MBNL1: variants seen among roughly 807,000 people sequenced by gnomAD.
MBNL1 encodes the protein muscleblind like splicing regulator 1.
In MBNL1, 8 loss-of-function variants were observed where a neutral mutation model predicts 42.2. That is an observed-to-expected ratio of 0.19 (90% CI 0.11 to 0.34). MBNL1 has a LOEUF of 0.34. Ranked by LOEUF, MBNL1 falls within the 10% of genes least tolerant of loss-of-function variation. MBNL1 has a pLI of 1.00. For synonymous variants in MBNL1, 169 were observed against 173.9 expected, an observed-to-expected ratio of 0.97 and a Z score of 0.22; for missense variants, 309 against 495.3, an observed-to-expected ratio of 0.62 and a Z score of 3.57.
intron 2 of MBNL1, among the ~76,000 whole-genome samples, chr3:152,342,586 A>G (rs1321308247): frequency 6.7e-6 from 1 of 149,874 alleles, no homozygotes; most frequent in African/African-American, 2.4e-5. Flanking sequence ...ACACACACAC[A>G]CTTTCCACAA....
In MBNL1 at chr3:152,442,583, G is replaced by A. The variant is rs139416217; in HGVS notation, c.550-2699G>A. Among the ~76,000 whole-genome samples, 686 of 152,226 alleles carry A rather than the reference G, an allele frequency of 4.5e-3. 2 individuals carry two copies. Among genetic ancestry groups the A allele is most frequent in the Admixed American group, 0.011 (172 of 15,290 alleles). On this transcript the variant is annotated intron_variant, in intron 4 of 9. Transcript: ENST00000324210. ...AGATTAAATTTGTGAAATGTTGTCA[G>A]TTATAATTTACTAATGTAATAGTAT...
chr3:152,421,407 C>A (rs1043348861), intron 3 of MBNL1, among the ~76,000 whole-genome samples: 1 of 152,194 alleles, frequency 6.6e-6, no homozygotes, highest in Non-Finnish European at 1.5e-5. Flanking sequence ...AAGCTAAGAT[C>A]CACTGGCTTC....
At chr3:152,356,000 T>C (rs889124834) in intron 2 of MBNL1, among the ~76,000 whole-genome samples, 1 of 152,194 alleles carries the variant, frequency 6.6e-6, no homozygotes, top group Non-Finnish European at 1.5e-5. Flanking sequence ...AAAAAGAGCC[T>C]GCTTTTTAAA....
At chr3:152,404,719 CAA>C (rs1387865289) in intron 2 of MBNL1, among the ~76,000 whole-genome samples, 1 of 150,126 alleles carries the variant, frequency 6.7e-6, no homozygotes, top group East Asian at 1.9e-4. Flanking sequence ...TATACACACA[CAA>C]AGATATATAA....
chr3:152,320,046 T>G (rs1480465323), intron 2 of MBNL1, among the ~76,000 whole-genome samples: 1 of 152,154 alleles, frequency 6.6e-6, no homozygotes, highest in Non-Finnish European at 1.5e-5. Context: ...CCCCCACTAG[T>G]TTATAAACTC....
Position 152,276,795 on chromosome 3 carries a change from C to G in MBNL1, c.-790+7703C>G, listed in dbSNP as rs373827061. Among the ~76,000 whole-genome samples, 91 of 152,106 alleles carry G rather than the reference C, an allele frequency of 6.0e-4. No homozygotes were observed. In the South Asian group the frequency reaches 0.019, roughly 31 times the overall value. ...GACACTTGGTGTTTAGGGTAGTAACCTTACAGGAGTTGTGTTTTGGTGACA... is the reference window on the plus strand; with the variant it reads ...GACACTTGGTGTTTAGGGTAGTAACGTTACAGGAGTTGTGTTTTGGTGACA... On this transcript the variant is annotated intron_variant, in intron 1 of 9. Transcript: ENST00000324210.
intron 2 of MBNL1, among the ~76,000 whole-genome samples, chr3:152,311,482 T>C (rs752243320): frequency 2.0e-5 from 3 of 152,226 alleles, no homozygotes; most frequent in African/African-American, 7.2e-5. Context: ...CACCACCTCT[T>C]TGACAATGAT....
At chr3:152,412,345 A>G (rs1387279683) in intron 2 of MBNL1, among the ~76,000 whole-genome samples, 1 of 152,284 alleles carries the variant, frequency 6.6e-6, no homozygotes, top group Non-Finnish European at 1.5e-5. Context: ...GTTTTCTGCT[A>G]TATCAGAATC....
chr3:152,274,119 T>G (rs1452578389), intron 1 of MBNL1, among the ~76,000 whole-genome samples: 1 of 152,210 alleles, frequency 6.6e-6, no homozygotes, highest in South Asian at 2.1e-4. Flanking sequence ...TCCAAAAATT[T>G]GTATTTGACA....
intron 1 of MBNL1, among the ~76,000 whole-genome samples, chr3:152,284,750 C>T (rs1217590356): frequency 2.6e-5 from 4 of 151,992 alleles, no homozygotes; most frequent in South Asian, 2.1e-4. Context: ...ACTTTTAAAG[C>T]GGCATTGCAT....
intron 4 of MBNL1, among the ~76,000 whole-genome samples, chr3:152,439,246 A>C (rs1429344970): frequency 1.3e-5 from 2 of 152,216 alleles, no homozygotes; most frequent in African/African-American, 4.8e-5. Flanking sequence ...AAAAAATATA[A>C]TACCCATTGA....
intron 2 of MBNL1, among the ~76,000 whole-genome samples, chr3:152,402,118 C>G (rs2098251257): frequency 6.6e-6 from 1 of 151,662 alleles, no homozygotes; most frequent in Non-Finnish European, 1.5e-5. Context: ...CTGGCAAACT[C>G]TGACAAAGGA....
At chr3:152,275,305 CA>C (rs2044310037) in intron 1 of MBNL1, among the ~76,000 whole-genome samples, 1 of 152,138 alleles carries the variant, frequency 6.6e-6, no homozygotes, top group South Asian at 2.1e-4. Context: ...ATTCCCCTAT[CA>C]AAGGCCCCCT....
intron 2 of MBNL1, chr3:152,338,229 C>T (rs145461009): frequency 1.4e-5 from 14 of 985,318 alleles, no homozygotes; most frequent in East Asian, 2.3e-4. Flanking sequence ...TGTGTTCTGG[C>T]GGGAATCTTG....
intron 3 of MBNL1, among the ~76,000 whole-genome samples, chr3:152,421,303 A>G (rs984010211): frequency 6.6e-6 from 1 of 152,120 alleles, no homozygotes; most frequent in Non-Finnish European, 1.5e-5. Context: ...CCAGAATGCC[A>G]TCAAGACAGA....
chr3:152,411,876 T>C (rs924556128), intron 2 of MBNL1, among the ~76,000 whole-genome samples: 1 of 152,218 alleles, frequency 6.6e-6, no homozygotes, highest in Non-Finnish European at 1.5e-5. Flanking sequence ...CATCATTAGG[T>C]CAGTACAACT....
chr3:152,402,635 T>C (rs929250690), intron 2 of MBNL1, among the ~76,000 whole-genome samples: 2 of 146,674 alleles, frequency 1.4e-5, no homozygotes, highest in South Asian at 2.1e-4. Context: ...AGCCACAAAT[T>C]TGTACTTGGA....
At chr3:152,427,219 T>G (rs77923853) in intron 3 of MBNL1, among the ~76,000 whole-genome samples, 10,825 of 152,266 alleles carry the variant, frequency 0.071, 508 homozygotes, top group Middle Eastern at 0.16. Flanking sequence ...GGTTGATACC[T>G]TTCTACTAGG....
At chr3:152,266,515 T>C (rs148470765), upstream of MBNL1, 84 of 152,300 alleles carry the variant, frequency 5.5e-4, no homozygotes, top group African/African-American at 1.5e-3. Context: ...CAGTTCTAAC[T>C]TGGAATTCTA....
Sources: allele counts gnomAD v4.1 joint callset (sites outside exome capture counted in the v4.1 genomes callset), GRCh38; gene constraint gnomAD v4.1.1; transcripts MANE v1.5; gene names NCBI Gene and HGNC (gene_info 2026-07-23, HGNC 2026-07-21).